The following EGF variants were observed in gnomAD, a reference collection of about 807,000 sequenced individuals.
The protein encoded by EGF is pro-epidermal growth factor.
Under a neutral mutation model 143.8 loss-of-function variants are expected in EGF, and 95 were observed. The ratio of observed to expected loss-of-function variants is 0.66; its 90% CI spans 0.56 to 0.78. The LOEUF is 0.78. EGF is among the 30% of genes least tolerant of loss of function. The probability of loss-of-function intolerance (pLI) is 0.00; values close to 1 mark genes in which losing one functional copy is unlikely to be tolerated. For missense variants in EGF, 1,320 were observed against 1,470.9 expected, an observed-to-expected ratio of 0.90 and a Z score of 1.68; for synonymous variants, 510 against 510.5, an observed-to-expected ratio of 1.00 and a Z score of 0.01.
At chr4:109,997,807 G>A (rs902318214) in intron 20 of EGF, among the ~76,000 whole-genome samples, 4 of 152,102 alleles carry the variant, frequency 2.6e-5, no homozygotes, top group African/African-American at 9.7e-5. Context: ...AGATTGCAAT[G>A]AGTTGTGATG....
intron 11 of EGF, among the ~76,000 whole-genome samples, chr4:109,970,998 T>C (rs1467951834): frequency 2.0e-5 from 3 of 152,168 alleles, no homozygotes. Flanking sequence ...ATTTACTGAA[T>C]AGTTGCAATG....
chr4:109,992,170 T>TAAAAAAAAAA (rs58841408), intron 18 of EGF, among the ~76,000 whole-genome samples: 26 of 65,624 alleles, frequency 4.0e-4, no homozygotes, highest in East Asian at 1.2e-3. Context: ...CAAGATTCTT[T>TAAAAAAAAAA]AAAAAAAAAA....
At chr4:109,914,800 G>C (rs1467347687) in intron 1 of EGF, among the ~76,000 whole-genome samples, 1 of 152,170 alleles carries the variant, frequency 6.6e-6, no homozygotes, top group Non-Finnish European at 1.5e-5. Flanking sequence ...GTTGGAGACA[G>C]AAGTAAAACT....
In EGF at chr4:109,993,273, C is replaced by G; in HGVS notation, c.2761C>G (p.His921Asp). Residue 921 changes from histidine (H) to aspartate (D), a missense_variant, in exon 19 of 24, where the codon CAC (histidine) becomes GAC (aspartate). By Grantham distance (81) the His-to-Asp change is moderately conservative. This residue lies in a region of EGF where 1,186 missense variants were observed against 1,313.7 expected (regional missense o/e 0.90). Coordinates refer to ENST00000265171, the MANE Select transcript of EGF (RefSeq NM_001963.6). Reference sequence around the variant, plus strand: ...TATTGATGAGTGCCAACTGGGGGAGCACAGCTGTGGAGAGAATGCCAGCTG... The same window carrying G: ...TATTGATGAGTGCCAACTGGGGGAGGACAGCTGTGGAGAGAATGCCAGCTG... ...LDIDECQLGEHSCGENASCTN... is the reference protein window; with the variant it reads ...LDIDECQLGEDSCGENASCTN... 1 of 1,613,806 alleles carries G rather than the reference C, an allele frequency of 6.2e-7. No individual in the cohort carries two copies.
chr4:109,913,533 G>A (rs901786710), intron 1 of EGF, 71 bp downstream of exon 1: 1 of 1,580,006 alleles, frequency 6.3e-7, no homozygotes, highest in African/African-American at 1.4e-5. Flanking sequence ...GGTTCAATCT[G>A]GTATACTTGG....
intron 10 of EGF, among the ~76,000 whole-genome samples, chr4:109,967,511 G>T (rs999343697): frequency 3.3e-4 from 50 of 152,140 alleles, no homozygotes; most frequent in African/African-American, 1.1e-3. Context: ...TATCGTCTGT[G>T]CTCTTCAGGC....
chr4:109,941,480 TG>T (rs369651002), intron 2 of EGF, among the ~76,000 whole-genome samples: 2 of 152,034 alleles, frequency 1.3e-5, no homozygotes, highest in Non-Finnish European at 2.9e-5. Context: ...AGCTCTCAGG[TG>T]GGGGGCAATT....
In EGF at chr4:110,013,548, T is replaced by C. The variant is rs1754162782; in HGVS notation, c.*2093T>C. Among the ~76,000 whole-genome samples the C allele has an allele frequency of 6.6e-6, 1 of 152,124 alleles. No individual in the cohort carries two copies. Among genetic ancestry groups the C allele is most frequent in the Non-Finnish European group, 1.5e-5 (1 of 68,026 alleles). ...CAACTTCACATCTTTATCAGTAATGTCCTCTTTCCTTTAAAAATTCAAGTT... is the reference window on the plus strand; with the variant it reads ...CAACTTCACATCTTTATCAGTAATGCCCTCTTTCCTTTAAAAATTCAAGTT... On this transcript the variant is annotated 3_prime_UTR_variant, in exon 24 of 24. Transcript: ENST00000265171.
intron 1 of EGF, among the ~76,000 whole-genome samples, chr4:109,914,005 G>T (rs1736152267): frequency 6.6e-6 from 1 of 152,074 alleles, no homozygotes; most frequent in Non-Finnish European, 1.5e-5. Flanking sequence ...TGTTTCTGAG[G>T]CTCTGACACA....
chr4:109,936,799 C>T lies in EGF; in HGVS notation c.128-4147C>T, dbSNP rs193099931. Among the ~76,000 whole-genome samples, 228 of 152,134 alleles carry T rather than the reference C, an allele frequency of 1.5e-3. 1 individual carries two copies. The highest frequency in any genetic ancestry group is 6.8e-3 in the Middle Eastern group (2 of 294). On this transcript the variant is annotated intron_variant, in intron 1 of 23. Transcript: ENST00000265171. ...TTTCTCCCTTAATTTCGTTATTTAC[C>T]CAGTAGTCATTCAGGAGAAGGTTGC...
intron 22 of EGF, among the ~76,000 whole-genome samples, chr4:110,007,702 A>G (rs913936668): frequency 2.6e-5 from 4 of 152,174 alleles, no homozygotes; most frequent in Non-Finnish European, 5.9e-5. Flanking sequence ...AATGGCCCCA[A>G]ATTACTCAGA....
chr4:109,976,502 T>G (rs536694861), intron 13 of EGF, among the ~76,000 whole-genome samples: 2 of 152,336 alleles, frequency 1.3e-5, no homozygotes, highest in South Asian at 4.1e-4. Context: ...CCTTTAGGAA[T>G]AAGAACTTGG....
intron 1 of EGF, among the ~76,000 whole-genome samples, chr4:109,920,370 AT>A (rs1261037734): frequency 6.6e-6 from 1 of 151,676 alleles, no homozygotes; most frequent in Non-Finnish European, 1.5e-5. Flanking sequence ...AAATGACTGC[AT>A]TGGAGAGCGT....
intron 18 of EGF, among the ~76,000 whole-genome samples, chr4:109,989,594 G>T (rs193251154): frequency 6.6e-6 from 1 of 152,090 alleles, no homozygotes; most frequent in Non-Finnish European, 1.5e-5. Flanking sequence ...GATTAGTTTT[G>T]TGGAATCCAC....
At chr4:109,920,378 G>C (rs886107654) in intron 1 of EGF, among the ~76,000 whole-genome samples, 3 of 151,590 alleles carry the variant, frequency 2.0e-5, no homozygotes, top group African/African-American at 7.3e-5. Context: ...GCATTGGAGA[G>C]CGTTTTCAAA....
At chr4:109,959,212 CGTTGTAGGGAG>C in intron 5 of EGF, 89 bp from the exon 6 acceptor site, 1 of 1,561,602 alleles carries the variant, frequency 6.4e-7, no homozygotes, top group East Asian at 2.3e-5. Flanking sequence ...CAGCTGTAGA[CGTTGTAGGGAG>C]GTAAGACCTC....
At chr4:109,927,634 G>A (rs1364527339) in intron 1 of EGF, among the ~76,000 whole-genome samples, 1 of 150,430 alleles carries the variant, frequency 6.6e-6, no homozygotes, top group Non-Finnish European at 1.5e-5. Flanking sequence ...TGAGGCAGGA[G>A]AATAGCGCGA....
rs1233305295 is a variant in EGF at position 109,941,166 on chromosome 4, G to C, written c.327+21G>C. 1.9e-6 allele frequency: 3 copies of C among 1,608,880 alleles called. No individual in the cohort carries two copies. The South Asian group carries it at 3.3e-5, about 18-fold the overall frequency. ...AAGAGGTAAAATACCCTTACCTACA[G>C]TGTTTGAGCTGTTTTTGTACAGGCT... On this transcript the variant is annotated intron_variant, in intron 2 of 23. Transcript: ENST00000265171.
chr4:109,918,255 GTTT>G lies in EGF; in HGVS notation c.127+4807_127+4809del, dbSNP rs36009201. On this transcript the variant is annotated intron_variant, in intron 1 of 23. Transcript: ENST00000265171. ...TCCTTTCTCTTGATTGCTAGGTGTG[GTTT>G]TTTTTTTTTTTTTAAATTTCAAGTA... Among the ~76,000 whole-genome samples the G allele has an allele frequency of 3.1e-4, 45 of 143,474 alleles. 1 individual carries two copies. The East Asian group carries it at 8.4e-3, about 27-fold the overall frequency. 94.1% of individuals were successfully genotyped at this position (143,474 alleles called of 152,430 possible). A position where few individuals can be genotyped will look rare whatever the true frequency, so the allele number is the denominator to read the frequency against.
Sources: gnomAD v4.1 joint callset for allele counts (sites outside exome capture counted in the v4.1 genomes callset) on GRCh38, gnomAD v4.1.1 for gene constraint, gnomAD v4.1.1 regional missense constraint, MANE v1.5 for transcripts, NCBI Gene and HGNC (gene_info 2026-07-23, HGNC 2026-07-21) for gene names.